Variants in NXPH1 observed in about 807,000 individuals in gnomAD.
The protein encoded by NXPH1 is neurexophilin 1.
Under a neutral mutation model 23.7 loss-of-function variants are expected in NXPH1, and 5 were observed. That is an observed-to-expected ratio of 0.21 (90% CI 0.11 to 0.44). The LOEUF (loss-of-function observed/expected upper bound fraction) is 0.44, where lower values mean the gene tolerates loss of function less well. Among genes scored for constraint, NXPH1 ranks in the 20% least tolerant of loss-of-function variants. NXPH1 has a pLI of 0.99. For missense variants in NXPH1, 324 were observed against 321.6 expected, an observed-to-expected ratio of 1.01 and a Z score of -0.06; for synonymous variants, 144 against 122.2, an observed-to-expected ratio of 1.18 and a Z score of -1.18.
intron 2 of NXPH1, among the ~76,000 whole-genome samples, chr7:8,619,305 C>T (rs1014325295): frequency 6.6e-6 from 1 of 152,140 alleles, no homozygotes; most frequent in Admixed American, 6.6e-5. Flanking sequence ...CTTCTATTAC[C>T]TCCAGTTAAC....
rs10281390 is a variant in NXPH1 at position 8,622,955 on chromosome 7, A to G, written c.55-128053A>G. 1.0e-2 allele frequency among the ~76,000 whole-genome samples: 1,522 copies of G among 152,282 alleles called. 28 individuals carry two copies. Among genetic ancestry groups the G allele is most frequent in the African/African-American group, 0.035 (1,446 of 41,560 alleles). On this transcript the variant is annotated intron_variant, in intron 2 of 2. Coordinates refer to ENST00000405863, the MANE Select transcript of NXPH1 (RefSeq NM_152745.3). ...CTTGGGAAATGTTAACATGAAATTTATTGTTATTAATGAAGGAAGTATTTG... is the reference window on the plus strand; with the variant it reads ...CTTGGGAAATGTTAACATGAAATTTGTTGTTATTAATGAAGGAAGTATTTG...
chr7:8,645,810 C>T (rs189644646), intron 2 of NXPH1, among the ~76,000 whole-genome samples: 2 of 151,992 alleles, frequency 1.3e-5, no homozygotes, highest in African/African-American at 4.8e-5. Flanking sequence ...TTTGGAATTC[C>T]CAACACCATT....
intron 2 of NXPH1, among the ~76,000 whole-genome samples, chr7:8,691,858 T>C (rs1821226488): frequency 6.6e-6 from 1 of 152,120 alleles, no homozygotes; most frequent in African/African-American, 2.4e-5. Flanking sequence ...TCAGAGACTA[T>C]CAAGTGCTAT....
chr7:8,515,325 A>G (rs914847025), intron 2 of NXPH1, among the ~76,000 whole-genome samples: 4 of 152,062 alleles, frequency 2.6e-5, no homozygotes, highest in Non-Finnish European at 4.4e-5. Context: ...ATCAATTAAT[A>G]TTTATTGAGG....
At chr7:8,517,623 C>A (rs2128615052) in intron 2 of NXPH1, among the ~76,000 whole-genome samples, 1 of 152,230 alleles carries the variant, frequency 6.6e-6, no homozygotes, top group East Asian at 1.9e-4. Flanking sequence ...TTAAAGAGAA[C>A]ATACGGCACT....
chr7:8,475,239 C>T (rs13438617), intron 2 of NXPH1, among the ~76,000 whole-genome samples: 22,193 of 151,970 alleles, frequency 0.15, 4,047 homozygotes, highest in African/African-American at 0.43. Flanking sequence ...TGGCCTGTCC[C>T]TCAGAGGCTC....
chr7:8,562,676 A>G (rs572739842), intron 2 of NXPH1, among the ~76,000 whole-genome samples: 17 of 151,902 alleles, frequency 1.1e-4, no homozygotes, highest in African/African-American at 4.1e-4. Context: ...ATCCTAATAG[A>G]TAATATCCTA....
chr7:8,734,369 T>C (rs1780209365), intron 2 of NXPH1, among the ~76,000 whole-genome samples: 1 of 152,204 alleles, frequency 6.6e-6, no homozygotes, highest in East Asian at 1.9e-4. Context: ...TCTTTTTTGG[T>C]TCTATATGAA....
intron 2 of NXPH1, among the ~76,000 whole-genome samples, chr7:8,647,495 T>C (rs1293897744): frequency 2.6e-5 from 4 of 152,122 alleles, no homozygotes; most frequent in Admixed American, 2.0e-4. Flanking sequence ...ATTTTATATA[T>C]ATTTCTTTGA....
intron 2 of NXPH1, among the ~76,000 whole-genome samples, chr7:8,700,789 C>G (rs2115189464): frequency 6.6e-6 from 1 of 152,134 alleles, no homozygotes; most frequent in Non-Finnish European, 1.5e-5. Flanking sequence ...TTAGCCTGAT[C>G]ACTGTTCCTT....
intron 2 of NXPH1, among the ~76,000 whole-genome samples, chr7:8,667,479 G>A (rs10258338): frequency 0.065 from 9,529 of 147,734 alleles, 663 homozygotes; most frequent in East Asian, 0.25. Flanking sequence ...TTTTTTCTCC[G>A]CAGCATTTTG....
chr7:8,701,600 T>C (rs886550173), intron 2 of NXPH1, among the ~76,000 whole-genome samples: 7 of 152,114 alleles, frequency 4.6e-5, no homozygotes, highest in African/African-American at 1.7e-4. Context: ...AAATGTCACA[T>C]TTAAGAATCC....
chr7:8,458,526 G>C (rs190308763), intron 2 of NXPH1, among the ~76,000 whole-genome samples: 1 of 152,292 alleles, frequency 6.6e-6, no homozygotes, highest in Admixed American at 6.5e-5. Flanking sequence ...GAACCAAAGA[G>C]TGATGAAGTG....
rs1437346098 is a variant in NXPH1 at position 8,717,473 on chromosome 7, A to G, written c.55-33535A>G. Among the ~76,000 whole-genome samples, 5 of 152,274 alleles carry G rather than the reference A, an allele frequency of 3.3e-5. No homozygotes were observed. In the East Asian group the frequency reaches 9.7e-4, roughly 29 times the overall value. ...GAAAGAGATAATGTGTGGATTAAAA[A>G]AAACCCCTTAGATGTATCTAAGATT... is the stretch of plus-strand genomic sequence containing the variant. On this transcript the variant is annotated intron_variant, in intron 2 of 2. Coordinates refer to ENST00000405863, the MANE Select transcript of NXPH1 (RefSeq NM_152745.3).
intron 2 of NXPH1, among the ~76,000 whole-genome samples, chr7:8,554,044 A>G (rs1202450490): frequency 6.6e-6 from 1 of 151,678 alleles, no homozygotes; most frequent in Non-Finnish European, 1.5e-5. Flanking sequence ...TGTGGTTTTA[A>G]TCTACTGTGC....
chr7:8,684,917 A>T (rs867128207), intron 2 of NXPH1, among the ~76,000 whole-genome samples: 2 of 152,168 alleles, frequency 1.3e-5, no homozygotes, highest in Non-Finnish European at 2.9e-5. Flanking sequence ...TCAAGTGTAG[A>T]TGATCCAGGA....
At chr7:8,606,946 TA>T in intron 2 of NXPH1, among the ~76,000 whole-genome samples, 1 of 152,300 alleles carries the variant, frequency 6.6e-6, no homozygotes, top group South Asian at 2.1e-4. Flanking sequence ...CCACTAATTT[TA>T]TTGATTGCTT....
intron 2 of NXPH1, among the ~76,000 whole-genome samples, chr7:8,622,008 G>T (rs74361692): frequency 3.3e-5 from 5 of 151,978 alleles, no homozygotes; most frequent in Non-Finnish European, 7.4e-5. Context: ...AGTTTATAAT[G>T]GTCCTCTGCA....
At chr7:8,538,265 T>G (rs1409479117) in intron 2 of NXPH1, among the ~76,000 whole-genome samples, 2 of 151,926 alleles carry the variant, frequency 1.3e-5, no homozygotes, top group Non-Finnish European at 2.9e-5. Flanking sequence ...CTGAACCATT[T>G]CCTTAAGGCA....
Sources: gnomAD v4.1 joint callset for allele counts (sites outside exome capture counted in the v4.1 genomes callset) on GRCh38, gnomAD v4.1.1 for gene constraint, MANE v1.5 for transcripts, NCBI Gene and HGNC (gene_info 2026-07-23, HGNC 2026-07-21) for gene names.